The following ZNF536 variants were observed in gnomAD, a reference collection of about 807,000 sequenced individuals.
ZNF536 encodes the protein zinc finger protein 536.
ZNF536 carries 13 observed loss-of-function variants against 84.5 expected under a neutral mutation model. The ratio of observed to expected loss-of-function variants is 0.15; its 90% CI spans 0.10 to 0.24. ZNF536 has a LOEUF of 0.24. Among genes scored for constraint, ZNF536 ranks in the 10% least tolerant of loss-of-function variants. The pLI, the probability that ZNF536 is intolerant of heterozygous loss-of-function variation, is 1.00. For missense variants in ZNF536, 1,536 were observed against 1,747.5 expected (o/e 0.88, Z 2.16); for synonymous variants, 811 against 742.5 (o/e 1.09, Z -1.50).
intron 2 of ZNF536, among the ~76,000 whole-genome samples, chr19:30,518,582 G>C (rs1214078736): frequency 6.6e-6 from 1 of 152,256 alleles, no homozygotes; most frequent in Non-Finnish European, 1.5e-5. Flanking sequence ...TAGCATCCCA[G>C]GATGATGTGC....
intron 2 of ZNF536, among the ~76,000 whole-genome samples, chr19:30,336,045 G>A (rs563620041): frequency 9.2e-5 from 14 of 152,298 alleles, no homozygotes; most frequent in Admixed American, 5.9e-4. Context: ...GGTTAAATTC[G>A]GTTCAGTTCT....
intron 2 of ZNF536, among the ~76,000 whole-genome samples, chr19:30,492,596 G>A (rs1406755322): frequency 2.0e-5 from 3 of 152,146 alleles, no homozygotes; most frequent in Non-Finnish European, 4.4e-5. Flanking sequence ...AACCTTCTTT[G>A]TAACAGAATA....
At position 30,557,297 on chromosome 19, in the gene ZNF536, T is replaced by A; in HGVS notation, c.*133T>A. 2 of 1,028,072 alleles carry A rather than the reference T, an allele frequency of 1.9e-6. No homozygotes were observed. The highest frequency in any genetic ancestry group is 3.0e-6 in the Non-Finnish European group (2 of 665,034). 63.7% of individuals were successfully genotyped at this position (1,028,072 alleles called of 1,614,324 possible). A position where few individuals can be genotyped will look rare whatever the true frequency, so the allele number is the denominator to read the frequency against. ...ACATATGTGTGTTGAATAATTACTA[T>A]TGGCATAGGTATGTGTATACACACG... On this transcript the variant is annotated 3_prime_UTR_variant, in exon 5 of 5. Transcript: ENST00000355537.
intron 1 of ZNF536, among the ~76,000 whole-genome samples, chr19:30,410,943 C>T (rs917646954): frequency 2.0e-5 from 3 of 152,142 alleles, no homozygotes; most frequent in Non-Finnish European, 2.9e-5. Context: ...ATACACATTG[C>T]TTTGACACTA....
At chr19:30,475,093 T>C (rs545610121) in intron 2 of ZNF536, among the ~76,000 whole-genome samples, 1 of 152,334 alleles carries the variant, frequency 6.6e-6, no homozygotes, top group South Asian at 2.1e-4. Context: ...TTTGGTTTTT[T>C]ATTTTGAGAT....
At chr19:30,356,789 A>G (rs2048109840) in intron 3 of ZNF536, among the ~76,000 whole-genome samples, 1 of 152,206 alleles carries the variant, frequency 6.6e-6, no homozygotes, top group Non-Finnish European at 1.5e-5. Flanking sequence ...ATCCTCCCAA[A>G]TCCCCTAGCA....
At chr19:30,603,456 G>A (rs1193127241) in intron 1 of ZNF536, among the ~76,000 whole-genome samples, 1 of 152,162 alleles carries the variant, frequency 6.6e-6, no homozygotes, top group Non-Finnish European at 1.5e-5. Flanking sequence ...ACAAATAGAA[G>A]CCACTTGTTT....
chr19:30,671,087 C>T (rs1242047223), intron 1 of ZNF536, among the ~76,000 whole-genome samples: 1 of 152,226 alleles, frequency 6.6e-6, no homozygotes, highest in Non-Finnish European at 1.5e-5. Flanking sequence ...ATGTGAGGCT[C>T]ACCACAAGCC....
intron 1 of ZNF536, among the ~76,000 whole-genome samples, chr19:30,596,293 C>A (rs955154461): frequency 6.6e-6 from 1 of 152,128 alleles, no homozygotes; most frequent in Non-Finnish European, 1.5e-5. Flanking sequence ...GCAAGGCATT[C>A]ATTTTTCCTT....
At chr19:30,695,991 C>G (rs2051641253) in intron 1 of ZNF536, among the ~76,000 whole-genome samples, 1 of 152,178 alleles carries the variant, frequency 6.6e-6, no homozygotes, top group Non-Finnish European at 1.5e-5. Flanking sequence ...TAATTTTAGA[C>G]TCCTTATTTT....
At chr19:30,271,983 A>C (rs1256340457) in intron 1 of ZNF536, among the ~76,000 whole-genome samples, 1 of 152,232 alleles carries the variant, frequency 6.6e-6, no homozygotes, top group East Asian at 1.9e-4. Context: ...TTGAAAGCCA[A>C]GAGCACTTCT....
chr19:30,346,045 T>C (rs898619415), intron 2 of ZNF536, among the ~76,000 whole-genome samples: 4 of 152,190 alleles, frequency 2.6e-5, no homozygotes, highest in African/African-American at 9.7e-5. Context: ...GGATAAGTCT[T>C]CCATGCCACT....
intron 1 of ZNF536, among the ~76,000 whole-genome samples, chr19:30,381,740 G>T (rs538995614): frequency 6.6e-6 from 1 of 152,180 alleles, no homozygotes; most frequent in African/African-American, 2.4e-5. Flanking sequence ...GATGGGGAAC[G>T]TTGTAAACAG....
At chr19:30,607,761 T>A (rs1488409246) in intron 1 of ZNF536, among the ~76,000 whole-genome samples, 2 of 151,620 alleles carry the variant, frequency 1.3e-5, no homozygotes, top group African/African-American at 4.8e-5. Context: ...CCTATGCATA[T>A]GTGTGTAACA....
At chr19:30,619,633 G>GCA (rs1274671546) in intron 1 of ZNF536, among the ~76,000 whole-genome samples, 1 of 152,200 alleles carries the variant, frequency 6.6e-6, no homozygotes, top group Non-Finnish European at 1.5e-5. Context: ...CGACTCACAT[G>GCA]CACACCCCCA....
chr19:30,379,659 G>A (rs1377915904), intron 1 of ZNF536, among the ~76,000 whole-genome samples: 5 of 151,606 alleles, frequency 3.3e-5, no homozygotes, highest in South Asian at 2.1e-4. Context: ...GTGGGTATGC[G>A]GTGGGAGGTG....
At chr19:30,672,315 C>G (rs1330818279) in intron 1 of ZNF536, among the ~76,000 whole-genome samples, 1 of 152,232 alleles carries the variant, frequency 6.6e-6, no homozygotes, top group African/African-American at 2.4e-5. Context: ...GCTGCCGTTG[C>G]TCAGGTGTGT....
At chr19:30,656,633 A>G (rs2049926114) in intron 1 of ZNF536, among the ~76,000 whole-genome samples, 1 of 152,224 alleles carries the variant, frequency 6.6e-6, no homozygotes, top group East Asian at 1.9e-4. Flanking sequence ...GGACGCAATC[A>G]TACATCTGCT....
At chr19:30,463,523 G>A (rs1436279834) in intron 2 of ZNF536, among the ~76,000 whole-genome samples, 2 of 152,194 alleles carry the variant, frequency 1.3e-5, no homozygotes, top group African/African-American at 2.4e-5. Context: ...GAGGAGGTCC[G>A]TGAGCTCCAT....
Sources: gnomAD v4.1 joint callset for allele counts (sites outside exome capture counted in the v4.1 genomes callset) on GRCh38, gnomAD v4.1.1 for gene constraint, MANE v1.5 for transcripts, NCBI Gene and HGNC (gene_info 2026-07-23, HGNC 2026-07-21) for gene names.